The following PDS5B variants were observed in gnomAD, a reference collection of about 807,000 sequenced individuals.
PDS5B encodes the protein PDS5 cohesin associated factor B, also known as sister chromatid cohesion protein PDS5 homolog B.
Under a neutral mutation model 184.1 loss-of-function variants are expected in PDS5B, and 51 were observed. The observed-to-expected ratio is 0.28, with a 90% CI of 0.22 to 0.35. The LOEUF is 0.35. Ranked by LOEUF, PDS5B falls within the 10% of genes least tolerant of loss-of-function variation. The probability of loss-of-function intolerance (pLI) is 1.00; values close to 1 mark genes in which losing one functional copy is unlikely to be tolerated. For missense variants in PDS5B, 1,180 were observed against 1,723.3 expected (o/e 0.68, Z 5.58); for synonymous variants, 566 against 569.2 (o/e 0.99, Z 0.08).
chr13:32,599,964 C>G (rs1316072439), intron 1 of PDS5B, among the ~76,000 whole-genome samples: 4 of 152,158 alleles, frequency 2.6e-5, no homozygotes, highest in Non-Finnish European at 2.9e-5. Flanking sequence ...TGTTTTTCCT[C>G]TTGAGATTCT....
chr13:32,724,004 C>T (rs1228102534), intron 19 of PDS5B, among the ~76,000 whole-genome samples: 1 of 152,232 alleles, frequency 6.6e-6, no homozygotes, highest in Non-Finnish European at 1.5e-5. Context: ...CTCCCTTGCT[C>T]CTCTTATATT....
chr13:32,775,808 G>A lies in PDS5B; in HGVS notation c.*756G>A, dbSNP rs937475360. ...ATTTAAAGTATTTTAATTTTAAAGA[G>A]TGTGTTATAAAATAATGTACTGAAT... On this transcript the variant is annotated 3_prime_UTR_variant, in exon 35 of 35. Transcript: ENST00000315596. 5.4e-5 allele frequency: 19 copies of A among 354,576 alleles called. No individual in the cohort carries two copies. Among genetic ancestry groups the A allele is most frequent in the South Asian group, 1.6e-4 (7 of 43,832 alleles). The allele number at this position is 354,576 out of a possible 1,614,324, so 22.0% of individuals were successfully genotyped here.
At chr13:32,682,253 T>G (rs1951268380) in intron 10 of PDS5B, among the ~76,000 whole-genome samples, 1 of 152,000 alleles carries the variant, frequency 6.6e-6, no homozygotes, top group Non-Finnish European at 1.5e-5. Context: ...TTGAAGAGAG[T>G]GAATTTCCAT....
chr13:32,726,149 T>TAA (rs58034166), intron 19 of PDS5B, among the ~76,000 whole-genome samples: 1 of 141,224 alleles, frequency 7.1e-6, no homozygotes, highest in Non-Finnish European at 1.5e-5. Flanking sequence ...TAGATAAACT[T>TAA]AAAAAAAAAA....
At chr13:32,749,069 A>G (rs1290727697) in intron 24 of PDS5B, among the ~76,000 whole-genome samples, 1 of 152,118 alleles carries the variant, frequency 6.6e-6, no homozygotes, top group Non-Finnish European at 1.5e-5. Context: ...AAACAACTGC[A>G]CGTATTTTAC....
intron 19 of PDS5B, among the ~76,000 whole-genome samples, chr13:32,718,439 C>T (rs960870279): frequency 6.6e-6 from 1 of 152,104 alleles, no homozygotes; most frequent in Non-Finnish European, 1.5e-5. Flanking sequence ...TGTGAGCCAC[C>T]ACGCCTGGCC....
intron 14 of PDS5B, 96 bp from the exon 15 acceptor site, chr13:32,696,758 C>T: frequency 1.3e-6 from 1 of 787,346 alleles, no homozygotes; most frequent in Admixed American, 2.1e-5. Flanking sequence ...GGGTCTGCAG[C>T]ATTTAGTGGG....
intron 1 of PDS5B, among the ~76,000 whole-genome samples, chr13:32,644,860 A>G (rs569635395): frequency 4.6e-5 from 7 of 152,156 alleles, no homozygotes; most frequent in Non-Finnish European, 1.0e-4. Flanking sequence ...TTTCTTTTTA[A>G]GCCTGTTGAT....
chr13:32,608,583 G>T (rs1273671184), intron 1 of PDS5B, among the ~76,000 whole-genome samples: 2 of 152,176 alleles, frequency 1.3e-5, no homozygotes, highest in African/African-American at 4.8e-5. Flanking sequence ...CATGAAGTGG[G>T]GGAGATCATG....
rs1195273143 is a variant in PDS5B at position 32,777,324 on chromosome 13, C to A, written c.*2272C>A. 1 of 146,168 alleles carries A rather than the reference C, an allele frequency of 6.8e-6. No homozygotes were observed. Among genetic ancestry groups the A allele is most frequent in the Non-Finnish European group, 1.5e-5 (1 of 66,322 alleles). The allele number at this position is 146,168 out of a possible 1,614,324, so 9.1% of individuals were successfully genotyped here. ...GTCTGTTCTTTTTTTGGGTGGATTA[C>A]GATGTAAATTTTTCTTTTCTTTCTT... On this transcript the variant is annotated 3_prime_UTR_variant, in exon 35 of 35. Coordinates refer to ENST00000315596, the MANE Select transcript of PDS5B (RefSeq NM_015032.4).
intron 1 of PDS5B, among the ~76,000 whole-genome samples, chr13:32,616,506 T>C (rs186072377): frequency 1.4e-4 from 21 of 152,332 alleles, no homozygotes; most frequent in East Asian, 7.7e-4. Context: ...CCAAGAAATA[T>C]ATAACTTTTC....
chr13:32,635,341 CTTTTT>C (rs576811097), intron 1 of PDS5B, among the ~76,000 whole-genome samples: 1 of 103,808 alleles, frequency 9.6e-6, no homozygotes, highest in Non-Finnish European at 1.9e-5. Context: ...CCTGGCCTGT[CTTTTT>C]TTTTTTTTTT....
At chr13:32,665,814 A>C (rs936639341) in intron 6 of PDS5B, among the ~76,000 whole-genome samples, 2 of 152,134 alleles carry the variant, frequency 1.3e-5, no homozygotes, top group African/African-American at 2.4e-5. Flanking sequence ...ATACAATGGA[A>C]TATTATTCCA....
intron 2 of PDS5B, chr13:32,650,723 T>A (rs1246393714): frequency 6.6e-6 from 1 of 152,216 alleles, no homozygotes; most frequent in Non-Finnish European, 1.5e-5. Context: ...CTGTTGGTTC[T>A]GGTATCTGGC....
chr13:32,647,433 G>A (rs1402594312), intron 1 of PDS5B, among the ~76,000 whole-genome samples: 2 of 152,024 alleles, frequency 1.3e-5, no homozygotes, highest in Non-Finnish European at 2.9e-5. Flanking sequence ...ACCACACCTG[G>A]CTGATTTTTG....
intron 9 of PDS5B, among the ~76,000 whole-genome samples, chr13:32,676,932 C>CAAAAAAAAA (rs4057303): frequency 7.6e-5 from 6 of 78,796 alleles, no homozygotes; most frequent in African/African-American, 2.5e-4. Flanking sequence ...CTCTTGTCTC[C>CAAAAAAAAA]AAAAAAAAAA....
intron 6 of PDS5B, among the ~76,000 whole-genome samples, chr13:32,664,479 C>T (rs576908612): frequency 2.0e-5 from 3 of 152,120 alleles, no homozygotes; most frequent in African/African-American, 4.8e-5. Flanking sequence ...AGAAGACTTA[C>T]ATATGTTGAG....
At chr13:32,619,580 A>AT (rs1246603201) in intron 1 of PDS5B, among the ~76,000 whole-genome samples, 1 of 152,188 alleles carries the variant, frequency 6.6e-6, no homozygotes, top group Non-Finnish European at 1.5e-5. Context: ...ACTACCATAG[A>AT]TTTTATAAAC....
intron 24 of PDS5B, among the ~76,000 whole-genome samples, chr13:32,752,557 C>G (rs1299511088): frequency 1.3e-5 from 2 of 152,166 alleles, no homozygotes; most frequent in African/African-American, 4.8e-5. Context: ...ATACTTTATA[C>G]TAAATGCTAT....
Sources: gnomAD v4.1 joint callset for allele counts (sites outside exome capture counted in the v4.1 genomes callset) on GRCh38, gnomAD v4.1.1 for gene constraint, MANE v1.5 for transcripts, NCBI Gene and HGNC (gene_info 2026-07-23, HGNC 2026-07-21) for gene names.